CLMN: variants seen among roughly 807,000 people sequenced by gnomAD.
The protein encoded by CLMN is calmin, also known as calmin (calponin-like, transmembrane).
A neutral mutation model predicts 92.7 loss-of-function variants in CLMN; 57 were observed. The observed-to-expected ratio is 0.61, with a 90% CI of 0.50 to 0.77. The LOEUF is 0.77. Ranked by LOEUF, CLMN falls within the 30% of genes least tolerant of loss-of-function variation. The pLI, the probability that CLMN is intolerant of heterozygous loss-of-function variation, is 0.00. For synonymous variants in CLMN, 466 were observed against 470.6 expected (o/e 0.99, Z 0.13); for missense variants, 1,158 against 1,237.5 (o/e 0.94, Z 0.96).
intron 1 of CLMN, among the ~76,000 whole-genome samples, chr14:95,270,928 T>C (rs893683932): frequency 5.3e-5 from 8 of 152,232 alleles, no homozygotes; most frequent in Admixed American, 2.0e-4. Context: ...ATATTTCCTC[T>C]AGCAGTGCAT....
chr14:95,221,583 G>T (rs1897540759), intron 4 of CLMN, 108 bp downstream of exon 4: 11 of 921,276 alleles, frequency 1.2e-5, no homozygotes, highest in Middle Eastern at 2.3e-4. Flanking sequence ...GACCATTTTA[G>T]CTCAGTCCCC....
At chr14:95,210,201 G>A (rs1045727978) in intron 7 of CLMN, among the ~76,000 whole-genome samples, 1 of 152,164 alleles carries the variant, frequency 6.6e-6, no homozygotes, top group Non-Finnish European at 1.5e-5. Flanking sequence ...TACAGACTGC[G>A]CCACCACGCC....
At chr14:95,292,813 GA>G (rs1900628266) in intron 1 of CLMN, among the ~76,000 whole-genome samples, 6 of 152,256 alleles carry the variant, frequency 3.9e-5, no homozygotes, top group Admixed American at 3.9e-4. Flanking sequence ...AGGGCGAGAT[GA>G]AGCTCCAAAA....
intron 1 of CLMN, among the ~76,000 whole-genome samples, chr14:95,286,993 C>A (rs918407239): frequency 2.0e-5 from 3 of 152,224 alleles, no homozygotes; most frequent in African/African-American, 7.2e-5. Flanking sequence ...AGGCCAGATG[C>A]CACACGTGAG....
intron 1 of CLMN, among the ~76,000 whole-genome samples, chr14:95,244,123 C>T (rs1235834121): frequency 6.6e-6 from 1 of 152,148 alleles, no homozygotes; most frequent in African/African-American, 2.4e-5. Flanking sequence ...CCCAGCCATG[C>T]TTCCTATACA....
In CLMN at chr14:95,221,838, C is replaced by A. The variant is rs537538722; in HGVS notation, c.241-64G>T. The stretch of plus-strand genomic sequence containing the variant: ...CGCACAGGCACTTCCCAACACCCAG[C>A]GGTGCTGCTGGGTGTGCTTTACTTT... On this transcript the variant is annotated intron_variant, in intron 3 of 12. Transcript: ENST00000298912. 1.4e-5 allele frequency: 21 copies of A among 1,470,194 alleles called. No individual in the cohort carries two copies. In the African/African-American group the frequency reaches 2.4e-4, roughly 17 times the overall value. The allele number at this position is 1,470,194 out of a possible 1,614,324, so 91.1% of individuals were successfully genotyped here. A position where few individuals can be genotyped will look rare whatever the true frequency, so the allele number is the denominator to read the frequency against.
chr14:95,306,637 A>G (rs28733134), intron 1 of CLMN, among the ~76,000 whole-genome samples: 13,215 of 152,232 alleles, frequency 0.087, 797 homozygotes, highest in African/African-American at 0.17. Flanking sequence ...TAATAAGCGC[A>G]TACCCCACGA....
At chr14:95,263,810 G>T (rs976387252) in intron 1 of CLMN, among the ~76,000 whole-genome samples, 1 of 152,138 alleles carries the variant, frequency 6.6e-6, no homozygotes, top group African/African-American at 2.4e-5. Context: ...CACCTTGGGG[G>T]GTTGTTGTGA....
chr14:95,296,554 T>C (rs931609992), intron 1 of CLMN, among the ~76,000 whole-genome samples: 1 of 152,234 alleles, frequency 6.6e-6, no homozygotes, highest in Non-Finnish European at 1.5e-5. Flanking sequence ...TGCTGACCAA[T>C]AAGATGTCAG....
intron 2 of CLMN, among the ~76,000 whole-genome samples, chr14:95,229,143 T>TTTTTTAG (rs1332751770): frequency 1.3e-5 from 2 of 152,122 alleles, no homozygotes; most frequent in Non-Finnish European, 2.9e-5. Context: ...ATCAACTTTC[T>TTTTTTAG]AAAAAAGAGA....
At chr14:95,286,613 A>C (rs977900054) in intron 1 of CLMN, among the ~76,000 whole-genome samples, 3 of 152,244 alleles carry the variant, frequency 2.0e-5, no homozygotes, top group Non-Finnish European at 4.4e-5. Context: ...TAAAATGGTT[A>C]ATTTTATGTT....
At chr14:95,220,792 G>A (rs1200818516) in intron 4 of CLMN, among the ~76,000 whole-genome samples, 3 of 152,320 alleles carry the variant, frequency 2.0e-5, no homozygotes, top group East Asian at 1.9e-4. Flanking sequence ...ATGCTGAGAC[G>A]ACCACAAAGC....
At chr14:95,242,244 C>CTTTTTTT (rs1595614526) in intron 1 of CLMN, among the ~76,000 whole-genome samples, 3 of 98,852 alleles carry the variant, frequency 3.0e-5, no homozygotes, top group Non-Finnish European at 4.2e-5. Context: ...TTTCTTTTTT[C>CTTTTTTT]TTTTTCTTTT....
chr14:95,319,580 C>A, intron 1 of CLMN, 131 bp downstream of exon 1: 1 of 756,340 alleles, frequency 1.3e-6, no homozygotes, highest in Non-Finnish European at 2.0e-6. Flanking sequence ...AGCCTCCCAC[C>A]TCGAGGCAAG....
intron 1 of CLMN, among the ~76,000 whole-genome samples, chr14:95,245,787 G>C (rs1441005435): frequency 7.1e-6 from 1 of 140,520 alleles, no homozygotes; most frequent in Non-Finnish European, 1.5e-5. Flanking sequence ...TGGGTGGGTG[G>C]TTGGATTATT....
At chr14:95,236,459 G>T (rs988787215) in intron 1 of CLMN, among the ~76,000 whole-genome samples, 2 of 152,236 alleles carry the variant, frequency 1.3e-5, no homozygotes, top group African/African-American at 2.4e-5. Flanking sequence ...GCTCCCAGGG[G>T]ACATCCCGCA....
rs780456472 is a variant in CLMN, at chr14:95,210,705, G to C, written c.783C>G (p.Pro261=). Residue 261 remains proline (P), a synonymous_variant, in exon 7 of 13, where the codon CCC becomes CCG. Transcript: ENST00000298912. The stretch of plus-strand genomic sequence containing the variant: ...TGCTACCTTCTGGCTCCAGGAGCCT[G>C]GGGATGTGCAGGGCATCCTGTGCGA... ...FSIAQDALHI[P]RLLEPEDIMV... 101 of 1,606,088 alleles carry C rather than the reference G, an allele frequency of 6.3e-5. 1 individual carries two copies. In the Middle Eastern group the frequency reaches 2.3e-3, roughly 37 times the overall value.
At chr14:95,264,009 T>A (rs993210439) in intron 1 of CLMN, among the ~76,000 whole-genome samples, 17 of 25,444 alleles carry the variant, frequency 6.7e-4, no homozygotes, top group Admixed American at 5.4e-3. Context: ...ACCTTATTAC[T>A]TTATTTATTT....
At position 95,256,231 on chromosome 14, in the gene CLMN, C is replaced by A. The variant is rs756544537; in HGVS notation, c.83-26098G>T. Among the ~76,000 whole-genome samples the A allele has an allele frequency of 6.6e-6, 1 of 152,170 alleles. No homozygotes were observed. The highest frequency in any genetic ancestry group is 2.4e-5 in the African/African-American group (1 of 41,446). ...CAACCGAGGCCCGCCACCCACTCCT[C>A]GGCACCCAGTTGGGAAGGACTTCAC... On this transcript the variant is annotated intron_variant, in intron 1 of 12. Coordinates refer to ENST00000298912, the MANE Select transcript of CLMN (RefSeq NM_024734.4). The surrounding 1 kb of genome is among the most constrained non-coding windows in gnomAD (Gnocchi z 4.9).
Sources: gnomAD v4.1 joint callset for allele counts (sites outside exome capture counted in the v4.1 genomes callset) on GRCh38, gnomAD v4.1.1 for gene constraint, Gnocchi (gnomAD v3.1) non-coding constraint, MANE v1.5 for transcripts, NCBI Gene and HGNC (gene_info 2026-07-23, HGNC 2026-07-21) for gene names.